CNTN4: variants seen among roughly 807,000 people sequenced by gnomAD.
CNTN4 encodes contactin-4.
Under a neutral mutation model 122.5 loss-of-function variants are expected in CNTN4, and 77 were observed. That is an observed-to-expected ratio of 0.63 (90% confidence interval 0.52 to 0.76). The LOEUF (loss-of-function observed/expected upper bound fraction) is 0.76, where lower values mean the gene tolerates loss of function less well. CNTN4 is among the 30% of genes least tolerant of loss of function. CNTN4 has a pLI of 0.00. For missense variants in CNTN4, 1,256 were observed against 1,259.1 expected (o/e 1.00, Z 0.04); for synonymous variants, 512 against 447.0 (o/e 1.15, Z -1.83).
intron 6 of CNTN4, among the ~76,000 whole-genome samples, chr3:2,762,455 A>C (rs2090634393): frequency 6.6e-6 from 1 of 152,202 alleles, no homozygotes; most frequent in Non-Finnish European, 1.5e-5. Flanking sequence ...ATAAGTAAGA[A>C]CATGCAGTGT....
chr3:2,686,610 T>G (rs1275661917), intron 4 of CNTN4, among the ~76,000 whole-genome samples: 1 of 152,190 alleles, frequency 6.6e-6, no homozygotes, highest in Non-Finnish European at 1.5e-5. Flanking sequence ...ATCAAGCTAA[T>G]GAACATATTC....
intron 8 of CNTN4, among the ~76,000 whole-genome samples, chr3:2,874,760 C>A (rs1055964108): frequency 6.6e-6 from 1 of 152,180 alleles, no homozygotes; most frequent in Non-Finnish European, 1.5e-5. Context: ...TCAACCCAAA[C>A]TTCCATGAAG....
intron 4 of CNTN4, among the ~76,000 whole-genome samples, chr3:2,594,657 G>GGT (rs112571206): frequency 0.42 from 63,147 of 151,558 alleles, 13,342 homozygotes; most frequent in South Asian, 0.51. Flanking sequence ...CCTGACCTCA[G>GGT]AATCGGCCAG....
At position 2,580,290 on chromosome 3, in the gene CNTN4, C is replaced by T. The variant is rs116807472; in HGVS notation, c.55+8732C>T. On this transcript the variant is annotated intron_variant, in intron 4 of 24. Coordinates refer to ENST00000418658, the MANE Select transcript of CNTN4 (RefSeq NM_175607.3). ...GGCAGCAAGGCAGCTAGGACAAGTG[C>T]CAATTAGAGACATCCATCTGGGGGC... Among the ~76,000 whole-genome samples the T allele has an allele frequency of 7.2e-4, 110 of 152,156 alleles. 1 individual carries two copies. The highest frequency in any genetic ancestry group is 1.2e-3 in the Non-Finnish European group (84 of 67,998).
intron 2 of CNTN4, among the ~76,000 whole-genome samples, chr3:2,317,089 C>A (rs1455206732): frequency 1.3e-5 from 2 of 152,194 alleles, no homozygotes; most frequent in Non-Finnish European, 2.9e-5. Flanking sequence ...ATACTTGTAA[C>A]ACTATCAATA....
At chr3:3,053,121 G>T (rs992552343) in intron 23 of CNTN4, among the ~76,000 whole-genome samples, 1 of 152,104 alleles carries the variant, frequency 6.6e-6, no homozygotes, top group Non-Finnish European at 1.5e-5. Flanking sequence ...TGCAACGTCT[G>T]CCTCCCGGGT....
chr3:2,124,781 C>T (rs752794715), intron 2 of CNTN4, among the ~76,000 whole-genome samples: 1 of 152,024 alleles, frequency 6.6e-6, no homozygotes, highest in Non-Finnish European at 1.5e-5. Context: ...AACCAACCAA[C>T]AAAAAAGCAG....
At chr3:2,551,860 T>C (rs2728054) in intron 3 of CNTN4, among the ~76,000 whole-genome samples, 1 of 151,936 alleles carries the variant, frequency 6.6e-6, no homozygotes, top group Non-Finnish European at 1.5e-5. Context: ...TAGTTATTAA[T>C]AGAATCTTTC....
intron 5 of CNTN4, among the ~76,000 whole-genome samples, chr3:2,742,908 C>G (rs1389762338): frequency 6.6e-6 from 1 of 152,196 alleles, no homozygotes; most frequent in African/African-American, 2.4e-5. Flanking sequence ...TGCAATAAAA[C>G]TTGGTATAGC....
intron 4 of CNTN4, among the ~76,000 whole-genome samples, chr3:2,599,848 G>A (rs575931795): frequency 1.7e-4 from 26 of 152,162 alleles, no homozygotes; most frequent in African/African-American, 6.3e-4. Flanking sequence ...GTATGAATTG[G>A]ATGAGGTTTT....
chr3:3,054,096 C>T (rs1701545444), intron 24 of CNTN4, 121 bp downstream of exon 24: 1 of 1,010,388 alleles, frequency 9.9e-7, no homozygotes, highest in African/African-American at 1.6e-5. Flanking sequence ...AAATGGAGAA[C>T]ACTACCCCCC....
At chr3:2,916,954 T>A (rs1289435583) in intron 12 of CNTN4, among the ~76,000 whole-genome samples, 1 of 142,726 alleles carries the variant, frequency 7.0e-6, no homozygotes, top group Non-Finnish European at 1.5e-5. Flanking sequence ...GGCAGGCGGC[T>A]GGGAGGTGGA....
chr3:2,536,177 C>T (rs897642597), intron 3 of CNTN4, among the ~76,000 whole-genome samples: 1 of 152,144 alleles, frequency 6.6e-6, no homozygotes, highest in Non-Finnish European at 1.5e-5. Flanking sequence ...CACCATATAA[C>T]TCAAAGATGA....
chr3:2,103,580 A>G (rs1325682476), intron 2 of CNTN4, among the ~76,000 whole-genome samples: 4 of 152,180 alleles, frequency 2.6e-5, no homozygotes, highest in African/African-American at 9.7e-5. Flanking sequence ...GCAGAAACAA[A>G]TATCTTCCCT....
intron 2 of CNTN4, among the ~76,000 whole-genome samples, chr3:2,107,323 G>A (rs556050255): frequency 6.6e-6 from 1 of 152,188 alleles, no homozygotes; most frequent in East Asian, 1.9e-4. Flanking sequence ...ATAAAGGAGA[G>A]AGGTTTAATG....
At chr3:3,030,174 C>T (rs566732217) in intron 15 of CNTN4, among the ~76,000 whole-genome samples, 1 of 152,142 alleles carries the variant, frequency 6.6e-6, no homozygotes, top group Non-Finnish European at 1.5e-5. Context: ...GGAATCATCT[C>T]CTCACATTTA....
chr3:2,364,288 T>C (rs888751692), intron 3 of CNTN4, among the ~76,000 whole-genome samples: 1 of 152,218 alleles, frequency 6.6e-6, no homozygotes, highest in African/African-American at 2.4e-5. Flanking sequence ...TCGATATTTA[T>C]AAGGTGCCTA....
At chr3:2,863,444 C>CT (rs5846228) in intron 7 of CNTN4, among the ~76,000 whole-genome samples, 1,197 of 92,318 alleles carry the variant, frequency 0.013, 18 homozygotes, top group Middle Eastern at 0.022. Flanking sequence ...ATGGTTTCTT[C>CT]TTTTTTTTTT....
intron 4 of CNTN4, among the ~76,000 whole-genome samples, chr3:2,716,010 C>G (rs1005167042): frequency 2.6e-5 from 4 of 152,058 alleles, no homozygotes; most frequent in African/African-American, 9.7e-5. Context: ...GTCACCCAGG[C>G]TTATAGTGCA....
Sources: allele counts gnomAD v4.1 joint callset (sites outside exome capture counted in the v4.1 genomes callset), GRCh38; gene constraint gnomAD v4.1.1; transcripts MANE v1.5; gene names NCBI Gene and HGNC (gene_info 2026-07-23, HGNC 2026-07-21).